Variants in PSD3 observed in about 807,000 individuals in gnomAD.
PSD3 encodes PH and SEC7 domain-containing protein 3.
In PSD3, 49 loss-of-function variants were observed where a neutral mutation model predicts 105.5. The observed-to-expected ratio is 0.46, with a 90% CI of 0.37 to 0.59. The LOEUF (loss-of-function observed/expected upper bound fraction) is 0.59, where lower values mean the gene tolerates loss of function less well. Among genes scored for constraint, PSD3 ranks in the 20% least tolerant of loss-of-function variants. PSD3 has a pLI of 0.00. For synonymous variants in PSD3, 557 were observed against 457.8 expected, an observed-to-expected ratio of 1.22 and a Z score of -2.77; for missense variants, 1,561 against 1,263.8, an observed-to-expected ratio of 1.24 and a Z score of -3.57.
At chr8:19,046,258 C>T (rs111428950) in intron 1 of PSD3, among the ~76,000 whole-genome samples, 10,782 of 152,036 alleles carry the variant, frequency 0.071, 1,278 homozygotes, top group African/African-American at 0.25. Flanking sequence ...ACTACAGGCA[C>T]GTGCCACCAC....
intron 1 of PSD3, among the ~76,000 whole-genome samples, chr8:18,973,134 C>A (rs1196189075): frequency 1.3e-5 from 2 of 152,132 alleles, no homozygotes; most frequent in African/African-American, 4.8e-5. Flanking sequence ...ATGCTTGGAC[C>A]ATCTGGGGGT....
At chr8:19,011,759 T>C (rs76784564) in intron 1 of PSD3, among the ~76,000 whole-genome samples, 7,123 of 135,902 alleles carry the variant, frequency 0.052, 507 homozygotes, top group African/African-American at 0.17. Context: ...AAGCTTCTTA[T>C]GCTCGCATTT....
intron 15 of PSD3, among the ~76,000 whole-genome samples, chr8:18,544,265 C>A (rs987759487): frequency 1.7e-4 from 26 of 150,988 alleles, no homozygotes; most frequent in African/African-American, 6.3e-4. Context: ...CTCCCTTCTG[C>A]GTACTACGAG....
At chr8:18,734,043 G>A (rs536192238) in intron 9 of PSD3, 2 of 152,120 alleles carry the variant, frequency 1.3e-5, no homozygotes, top group African/African-American at 2.4e-5. Context: ...AGGTATTAAA[G>A]TCTATAACAT....
At chr8:18,646,131 C>T (rs1808018675) in intron 10 of PSD3, among the ~76,000 whole-genome samples, 1 of 152,068 alleles carries the variant, frequency 6.6e-6, no homozygotes, top group African/African-American at 2.4e-5. Flanking sequence ...GGCACAATAG[C>T]AACTTCTTCT....
chr8:18,940,966 G>A (rs1401450951), intron 1 of PSD3, among the ~76,000 whole-genome samples: 1 of 152,102 alleles, frequency 6.6e-6, no homozygotes, highest in Non-Finnish European at 1.5e-5. Context: ...CAAACAATTA[G>A]TTATTCTTGA....
intron 2 of PSD3, among the ~76,000 whole-genome samples, chr8:18,879,898 A>C (rs1818006500): frequency 6.6e-6 from 1 of 152,188 alleles, no homozygotes; most frequent in African/African-American, 2.4e-5. Context: ...GCATTTAGCC[A>C]AGACCATCAT....
chr8:18,841,397 C>T (rs1814613448), intron 4 of PSD3, among the ~76,000 whole-genome samples: 1 of 152,100 alleles, frequency 6.6e-6, no homozygotes, highest in South Asian at 2.1e-4. Context: ...CAAAGCAGCT[C>T]TACTTTCAAA....
chr8:19,084,230 G>A, exon 1 of PSD3: 1 of 446,656 alleles, frequency 2.2e-6, no homozygotes, highest in Non-Finnish European at 4.5e-6. Flanking sequence ...TGGCAGGCGG[G>A]GCTGGGCAGC....
At chr8:18,885,626 A>G (rs12155732) in intron 2 of PSD3, among the ~76,000 whole-genome samples, 26,821 of 152,088 alleles carry the variant, frequency 0.18, 2,358 homozygotes, top group South Asian at 0.29. Context: ...AGTGTGTAGC[A>G]GACTCAGGAC....
At chr8:18,997,043 C>T (rs970222207) in intron 1 of PSD3, among the ~76,000 whole-genome samples, 6 of 151,914 alleles carry the variant, frequency 3.9e-5, no homozygotes, top group African/African-American at 1.5e-4. Flanking sequence ...TTGGTGCCTT[C>T]TCATCTCTTC....
At chr8:19,079,056 A>C (rs988101924) in intron 1 of PSD3, among the ~76,000 whole-genome samples, 1 of 152,066 alleles carries the variant, frequency 6.6e-6, no homozygotes, top group East Asian at 1.9e-4. Context: ...AGGTGGATCC[A>C]GATGCTAAAC....
Position 18,651,651 on chromosome 8 carries a change from G to A in PSD3, c.2216+3991C>T, listed in dbSNP as rs368347643. 3.3e-5 allele frequency among the ~76,000 whole-genome samples: 5 copies of A among 152,304 alleles called. No individual in the cohort carries two copies. The East Asian group carries it at 5.8e-4, about 18-fold the overall frequency. On this transcript the variant is annotated intron_variant, in intron 10 of 15. Coordinates refer to ENST00000327040, the MANE Select transcript of PSD3 (RefSeq NM_015310.4). Reference sequence around the variant, plus strand: ...CATTACTACAAATAACCATAATGGGGTGTAGAAACTGCTGGTGTCATCAGA... The same window carrying A: ...CATTACTACAAATAACCATAATGGGATGTAGAAACTGCTGGTGTCATCAGA...
intron 2 of PSD3, among the ~76,000 whole-genome samples, chr8:18,890,049 A>G (rs980423066): frequency 6.6e-6 from 1 of 152,224 alleles, no homozygotes; most frequent in Non-Finnish European, 1.5e-5. Flanking sequence ...TTAGAAATAC[A>G]ACTTTTTCAC....
chr8:18,632,001 C>T (rs1362490310), intron 11 of PSD3, among the ~76,000 whole-genome samples: 1 of 151,978 alleles, frequency 6.6e-6, no homozygotes, highest in African/African-American at 2.4e-5. Flanking sequence ...TCTCAAACTC[C>T]AAACACCATC....
intron 1 of PSD3, among the ~76,000 whole-genome samples, chr8:18,992,069 A>G (rs2129473582): frequency 6.6e-6 from 1 of 152,344 alleles, no homozygotes; most frequent in Non-Finnish European, 1.5e-5. Flanking sequence ...TCATGAATTC[A>G]TAATGGTTTC....
intron 1 of PSD3, among the ~76,000 whole-genome samples, chr8:18,964,829 A>G (rs1283046059): frequency 1.3e-5 from 2 of 152,244 alleles, no homozygotes; most frequent in African/African-American, 2.4e-5. Flanking sequence ...AAGGTGGCAT[A>G]GATTTGTTCA....
chr8:18,606,761 T>C (rs1000670080), intron 11 of PSD3, among the ~76,000 whole-genome samples: 2 of 152,110 alleles, frequency 1.3e-5, no homozygotes, highest in Non-Finnish European at 2.9e-5. Flanking sequence ...ATACGATACA[T>C]TAAGATAAAA....
chr8:18,560,387 G>C (rs1801329068), intron 14 of PSD3, among the ~76,000 whole-genome samples: 1 of 152,026 alleles, frequency 6.6e-6, no homozygotes, highest in South Asian at 2.1e-4. Context: ...TTTTGTCTTT[G>C]CTTTTACAGT....
Sources: allele counts gnomAD v4.1 joint callset (sites outside exome capture counted in the v4.1 genomes callset), GRCh38; gene constraint gnomAD v4.1.1; transcripts MANE v1.5; gene names NCBI Gene and HGNC (gene_info 2026-07-23, HGNC 2026-07-21).